CEP164: variants seen among roughly 807,000 people sequenced by gnomAD.
The protein encoded by CEP164 is centrosomal protein 164.
In CEP164, 162 loss-of-function variants were observed where a neutral mutation model predicts 182.7. The observed-to-expected ratio is 0.89, with a 90% confidence interval of 0.78 to 1.01. The LOEUF (loss-of-function observed/expected upper bound fraction) is 1.01. Among genes scored for constraint, CEP164 ranks in the 50% least tolerant of loss-of-function variants. The pLI is 0.00. For synonymous variants in CEP164, 661 were observed against 690.0 expected (o/e 0.96, Z 0.66); for missense variants, 1,735 against 1,790.4 (o/e 0.97, Z 0.56).
At chr11:117,382,413 G>C (rs1238644381) in intron 13 of CEP164, among the ~76,000 whole-genome samples, 1 of 152,176 alleles carries the variant, frequency 6.6e-6, no homozygotes, top group Non-Finnish European at 1.5e-5. Flanking sequence ...AGTCAAGAGC[G>C]TGGTGGACAT....
At chr11:117,329,418 C>T (rs2035843473) in intron 1 of CEP164, among the ~76,000 whole-genome samples, 1 of 152,184 alleles carries the variant, frequency 6.6e-6, no homozygotes. Flanking sequence ...TGCCACTCCT[C>T]CCACTGTCCC....
At chr11:117,387,098 C>T (rs1174744977) in intron 14 of CEP164, 105 bp from the exon 15 acceptor site, 2 of 1,006,164 alleles carry the variant, frequency 2.0e-6, no homozygotes, top group African/African-American at 3.2e-5. Flanking sequence ...ATTGTGGGCC[C>T]TCCATTAGGA....
intron 27 of CEP164, among the ~76,000 whole-genome samples, chr11:117,401,553 A>G (rs1430124991): frequency 5.9e-5 from 9 of 152,202 alleles, no homozygotes; most frequent in Non-Finnish European, 1.3e-4. Context: ...AAGGAATGGT[A>G]CCAACTCCTC....
Position 117,371,348 on chromosome 11 carries a change from A to G in CEP164, c.1034A>G (p.Lys345Arg), listed in dbSNP as rs747725607. The change falls in exon 9 of 33, where the codon AAG (lysine) becomes AGG (arginine). Residue 345 changes from lysine (K) to arginine (R), a missense_variant. Physicochemically the swap from Lys to Arg is conservative, Grantham distance 26 (BLOSUM62 2). Transcript: ENST00000278935. ...TGSEPAKASE[K>R]EAPEDTVDAG... ...AGTGAGCCTGCCAAAGCCTCTGAAA[A>G]GGAAGCACCAGAGGACACAGTAGAT... The G allele has an allele frequency of 2.5e-6, 4 of 1,614,220 alleles. No homozygotes were observed. In the South Asian group the frequency reaches 4.4e-5, roughly 18 times the overall value.
intron 23 of CEP164, 97 bp downstream of exon 23, chr11:117,395,288 G>A: frequency 7.0e-7 from 1 of 1,426,268 alleles, no homozygotes; most frequent in Non-Finnish European, 9.7e-7. Context: ...TCTGTCCAGG[G>A]CACTGGGGTT....
chr11:117,334,184 C>T (rs964356429), intron 1 of CEP164, among the ~76,000 whole-genome samples: 6 of 152,168 alleles, frequency 3.9e-5, no homozygotes, highest in African/African-American at 7.2e-5. Context: ...GCATCTCTAG[C>T]GCCTAGAAAT....
Position 117,397,264 on chromosome 11 carries a change from A to G in CEP164, c.3452A>G (p.Asp1151Gly), listed in dbSNP as rs2045595720. 1 of 1,613,774 alleles carries G rather than the reference A, an allele frequency of 6.2e-7. No individual in the cohort carries two copies. The highest frequency in any genetic ancestry group is 1.1e-5 in the South Asian group (1 of 91,066). Residue 1151 changes from aspartate (D) to glycine (G), a missense_variant, in exon 27 of 33, where the codon GAC becomes GGC. Coordinates refer to ENST00000278935, the MANE Select transcript of CEP164 (RefSeq NM_014956.5). ...GCCAGTGCGCAGGAGGTGGCCAAAG[A>G]CCCACCAGGCATCAAGGCCCTGGAA... ...ELASAQEVAK[D>G]PPGIKALEDM...
intron 8 of CEP164, 76 bp downstream of exon 8, chr11:117,363,582 T>C: frequency 9.7e-7 from 1 of 1,034,180 alleles, no homozygotes. Context: ...CCTGCTACTT[T>C]GTTGTAATGC....
In CEP164 at chr11:117,409,188, C is replaced by A; in HGVS notation, c.3748+160C>A. ...GGTCAGTGCTGGGAAGGAATCACAC[C>A]ATCTAGGTTTGCCAGCACGTGGGGC... is the stretch of plus-strand genomic sequence containing the variant. On this transcript the variant is annotated intron_variant, in intron 29 of 32. Coordinates refer to ENST00000278935, the MANE Select transcript of CEP164 (RefSeq NM_014956.5). The surrounding 1 kb of genome is among the most constrained non-coding windows in gnomAD (Gnocchi z 4.4). 1 of 976,392 alleles carries A rather than the reference C, an allele frequency of 1.0e-6. No individual in the cohort carries two copies. Among genetic ancestry groups the A allele is most frequent in the Non-Finnish European group, 1.5e-6 (1 of 670,800 alleles). The allele number at this position is 976,392 out of a possible 1,614,324, so 60.5% of individuals were successfully genotyped here.
At chr11:117,386,599 G>C (rs1470876770) in intron 14 of CEP164, 1 of 152,928 alleles carries the variant, frequency 6.5e-6, no homozygotes, top group Non-Finnish European at 1.5e-5. Context: ...TTTGGCTTAG[G>C]GGAGCATCTC....
At position 117,387,320 on chromosome 11, in the gene CEP164, G is replaced by A. The variant is rs192440073; in HGVS notation, c.1842G>A (p.Lys614=). 6.2e-7 allele frequency: 1 copy of A among 1,614,228 alleles called. No individual in the cohort carries two copies. The highest frequency in any genetic ancestry group is 1.3e-5 in the African/African-American group (1 of 75,072). ...EQDQRHLLES[K]QEKMQQLREK... ...ACCAGAGGCACCTGCTGGAATCCAAGCAAGAGAAGATGCAGCAACTGCGGG... is the reference window on the plus strand; with the variant it reads ...ACCAGAGGCACCTGCTGGAATCCAAACAAGAGAAGATGCAGCAACTGCGGG... The change falls in exon 15 of 33, where the codon AAG becomes AAA. Residue 614 remains lysine, a synonymous_variant. Coordinates refer to ENST00000278935, the MANE Select transcript of CEP164 (RefSeq NM_014956.5).
At position 117,394,425 on chromosome 11, in the gene CEP164, G is replaced by C; in HGVS notation, c.2692G>C (p.Glu898Gln). The part of the protein sequence containing the change: ...LERLQRAHER[E>Q]LETVRQEQHK... ...GCGCCTGCAGAGGGCCCATGAACGA[G>C]AACTGGAGACTGTGAGGCAGGAGCA... The change falls in exon 21 of 33, where the codon GAA becomes CAA. Residue 898 changes from glutamate to glutamine, a missense_variant. Coordinates refer to ENST00000278935, the MANE Select transcript of CEP164 (RefSeq NM_014956.5). The surrounding 1 kb of genome is among the most constrained non-coding windows in gnomAD (Gnocchi z 4.0). 1 of 1,614,036 alleles carries C rather than the reference G, an allele frequency of 6.2e-7. No homozygotes were observed. Among genetic ancestry groups the C allele is most frequent in the Non-Finnish European group, 8.5e-7 (1 of 1,179,988 alleles).
chr11:117,383,762 C>A (rs544803436), intron 14 of CEP164, among the ~76,000 whole-genome samples: 7 of 152,298 alleles, frequency 4.6e-5, no homozygotes, highest in African/African-American at 1.7e-4. Context: ...ATAGGCCGGG[C>A]GCGGTGGCTC....
rs757069824 is a variant in CEP164 at position 117,412,181 on chromosome 11, G to C, written c.*13G>C. The C allele has an allele frequency of 6.2e-7, 1 of 1,611,180 alleles. No individual in the cohort carries two copies. Among genetic ancestry groups the C allele is most frequent in the Non-Finnish European group, 8.5e-7 (1 of 1,177,950 alleles). The stretch of plus-strand genomic sequence containing the variant: ...GTATCGCTTCTGAGGCCCTGAGCAG[G>C]GGCTTGGGGCAGCCCAGCCTCTCCT... On this transcript the variant is annotated 3_prime_UTR_variant, in exon 33 of 33. Transcript: ENST00000278935.
At chr11:117,333,913 T>C (rs2036614160) in intron 1 of CEP164, among the ~76,000 whole-genome samples, 1 of 152,222 alleles carries the variant, frequency 6.6e-6, no homozygotes, top group Non-Finnish European at 1.5e-5. Context: ...CCAACTGTGC[T>C]GCTTCTTGCC....
intron 15 of CEP164, among the ~76,000 whole-genome samples, chr11:117,388,604 C>A (rs762828895): frequency 3.3e-5 from 5 of 152,106 alleles, no homozygotes; most frequent in Admixed American, 3.3e-4. Context: ...GGCAGGCTGG[C>A]CCTTAGCTTC....
At chr11:117,374,127 A>G (rs573248304) in intron 10 of CEP164, among the ~76,000 whole-genome samples, 3 of 152,210 alleles carry the variant, frequency 2.0e-5, no homozygotes, top group African/African-American at 7.2e-5. Flanking sequence ...TACTCTCACT[A>G]TTGTGTGAGT....
In CEP164 at chr11:117,412,755, C is replaced by T. The variant is rs573965; in HGVS notation, c.*587C>T. 26,620 of 153,660 alleles carry T rather than the reference C, an allele frequency of 0.17. 3,303 individuals carry two copies. Among genetic ancestry groups the T allele is most frequent in the African/African-American group, 0.34 (14,028 of 41,412 alleles). 9.5% of individuals were successfully genotyped at this position (153,660 alleles called of 1,614,324 possible). A position where few individuals can be genotyped will look rare whatever the true frequency, so the allele number is the denominator to read the frequency against. ...ATCTCTCTTTTTGACCCTCTCAGGA[C>T]TGGGCTTAGCTGTCCAGAGCCCTGC... On this transcript the variant is annotated 3_prime_UTR_variant, in exon 33 of 33. Transcript: ENST00000278935.
rs1555163184 is a variant in CEP164, at chr11:117,413,251, G to GA, written c.*1083_*1084insA. On this transcript the variant is annotated 3_prime_UTR_variant, in exon 33 of 33. Coordinates refer to ENST00000278935, the MANE Select transcript of CEP164 (RefSeq NM_014956.5). ...GTTTAAATAAAATGCACTTATTTTT[G>GA]TTTTTTTTTTTGCAAGCTGTGGGGT... 4.1e-5 allele frequency: 6 copies of GA among 145,068 alleles called. No individual in the cohort carries two copies. Among genetic ancestry groups the GA allele is most frequent in the Non-Finnish European group, 9.1e-5 (6 of 65,638 alleles). 9.0% of individuals were successfully genotyped at this position (145,068 alleles called of 1,614,324 possible).
Sources: gnomAD v4.1 joint callset for allele counts (sites outside exome capture counted in the v4.1 genomes callset) on GRCh38, gnomAD v4.1.1 for gene constraint, Gnocchi (gnomAD v3.1) non-coding constraint, MANE v1.5 for transcripts, NCBI Gene and HGNC (gene_info 2026-07-23, HGNC 2026-07-21) for gene names.